LRIG1: variants seen among roughly 807,000 people sequenced by gnomAD.
LRIG1 encodes the protein leucine rich repeats and immunoglobulin like domains 1.
In LRIG1, 48 loss-of-function variants were observed where a neutral mutation model predicts 99.2. The ratio of observed to expected loss-of-function variants is 0.48; its 90% confidence interval spans 0.38 to 0.62. LRIG1 has a LOEUF of 0.62. LRIG1 is among the 20% of genes least tolerant of loss of function. The probability of loss-of-function intolerance (pLI) is 0.00; values close to 1 mark genes in which losing one functional copy is unlikely to be tolerated. For missense variants in LRIG1, 1,646 were observed against 1,434.4 expected, an observed-to-expected ratio of 1.15 and a Z score of -2.38; for synonymous variants, 772 against 596.1, an observed-to-expected ratio of 1.29 and a Z score of -4.30.
intron 3 of LRIG1, among the ~76,000 whole-genome samples, chr3:66,434,412 G>C (rs1312291739): frequency 6.6e-6 from 1 of 152,142 alleles, no homozygotes; most frequent in Admixed American, 6.5e-5. Context: ...ACCATAATGA[G>C]CTATCACTGC....
chr3:66,404,486 C>T (rs1005996685), intron 9 of LRIG1: 10 of 1,058,904 alleles, frequency 9.4e-6, no homozygotes, highest in African/African-American at 6.7e-5. Flanking sequence ...GAAAACAGGG[C>T]GGGCCAAGGG....
rs145981923 is a variant in LRIG1 at position 66,379,172 on chromosome 3, G to T, written c.*1091C>A. The T allele has an allele frequency of 6.6e-6, 1 of 152,626 alleles. No individual in the cohort carries two copies. 9.5% of individuals were successfully genotyped at this position (152,626 alleles called of 1,614,324 possible). A position where few individuals can be genotyped will look rare whatever the true frequency, so the allele number is the denominator to read the frequency against. ...ATGACACATTGGCACTCATAAGATG[G>T]TTAGCTACCAGTCTCAAAAGTGCAA... On this transcript the variant is annotated 3_prime_UTR_variant, in exon 19 of 19. Transcript: ENST00000273261.
chr3:66,436,488 G>A (rs1046174592), intron 3 of LRIG1, among the ~76,000 whole-genome samples: 3 of 152,164 alleles, frequency 2.0e-5, no homozygotes, highest in South Asian at 2.1e-4. Flanking sequence ...TCCTTTTCAT[G>A]AAACGACCAT....
chr3:66,499,816 T>C (rs548450443), intron 1 of LRIG1, among the ~76,000 whole-genome samples: 2 of 150,376 alleles, frequency 1.3e-5, no homozygotes, highest in South Asian at 4.2e-4. Flanking sequence ...TTCTTCACAC[T>C]CTTCTCCAGA....
intron 12 of LRIG1, among the ~76,000 whole-genome samples, chr3:66,391,116 A>C (rs1701599424): frequency 6.6e-6 from 1 of 152,192 alleles, no homozygotes; most frequent in African/African-American, 2.4e-5. Flanking sequence ...ATGAGACTCT[A>C]TTTTACACTC....
Position 66,487,187 on chromosome 3 carries a change from A to T in LRIG1, c.218+13003T>A, listed in dbSNP as rs559941043. ...TCAAATATTCTCTCTAAAAGTTCTG[A>T]CATATAAAATCAGACAAACCACAAG... On this transcript the variant is annotated intron_variant, in intron 1 of 18. Transcript: ENST00000273261. 7.0e-4 allele frequency among the ~76,000 whole-genome samples: 107 copies of T among 152,322 alleles called. No homozygotes were observed. The South Asian group carries it at 0.014, about 20-fold the overall frequency.
intron 1 of LRIG1, among the ~76,000 whole-genome samples, chr3:66,482,173 A>G (rs1457335326): frequency 6.6e-6 from 1 of 152,260 alleles, no homozygotes; most frequent in Non-Finnish European, 1.5e-5. Flanking sequence ...CCCCTCCGCA[A>G]CACGCGTCCA....
chr3:66,421,360 A>C (rs993520140), intron 3 of LRIG1, among the ~76,000 whole-genome samples: 3 of 152,234 alleles, frequency 2.0e-5, no homozygotes, highest in African/African-American at 7.2e-5. Context: ...AATCAAAAGC[A>C]AGCTAGTTAC....
At chr3:66,464,138 C>T (rs1700417643) in intron 1 of LRIG1, among the ~76,000 whole-genome samples, 1 of 152,066 alleles carries the variant, frequency 6.6e-6, no homozygotes, top group Non-Finnish European at 1.5e-5. Flanking sequence ...CTGAGATTTT[C>T]TTCTATTTTG....
At chr3:66,432,283 G>C (rs73833493) in intron 3 of LRIG1, among the ~76,000 whole-genome samples, 1 of 152,184 alleles carries the variant, frequency 6.6e-6, no homozygotes, top group Non-Finnish European at 1.5e-5. Flanking sequence ...CTTTGTAGCC[G>C]GAGTCTGGAA....
At chr3:66,458,812 T>A (rs1299852863) in intron 2 of LRIG1, among the ~76,000 whole-genome samples, 1 of 150,786 alleles carries the variant, frequency 6.6e-6, no homozygotes, top group East Asian at 1.9e-4. Flanking sequence ...ATGTCAGGAG[T>A]TCAAGATCAG....
intron 3 of LRIG1, among the ~76,000 whole-genome samples, chr3:66,440,261 T>C (rs1161796327): frequency 6.6e-6 from 1 of 152,140 alleles, no homozygotes; most frequent in Non-Finnish European, 1.5e-5. Flanking sequence ...GGTTTTGATT[T>C]AACTGCCCTG....
At chr3:66,383,965 C>CACACAA in intron 14 of LRIG1, 26 bp downstream of exon 14, 1 of 1,607,486 alleles carries the variant, frequency 6.2e-7, no homozygotes, top group Non-Finnish European at 8.5e-7. Context: ...CACACACACA[C>CACACAA]ACACACAGTA....
chr3:66,398,177 A>G lies in LRIG1; in HGVS notation c.1239T>C (p.Leu413=). The change falls in exon 11 of 19, where the codon CTT becomes CTC. Residue 413 remains leucine (L), a synonymous_variant. Coordinates refer to ENST00000273261, the MANE Select transcript of LRIG1 (RefSeq NM_015541.3). ...GGACAGATCTGATCGCATTCCCTCCAAGGTTCCTGAAACAGAACATACATT... is the reference window on the plus strand; with the variant it reads ...GGACAGATCTGATCGCATTCCCTCCGAGGTTCCTGAAACAGAACATACATT... The part of the protein sequence containing the change: ...SGLEGLEHLN[L]GGNAIRSVQF... 6.2e-7 allele frequency: 1 copy of G among 1,613,690 alleles called. No individual in the cohort carries two copies. Among genetic ancestry groups the G allele is most frequent in the Non-Finnish European group, 8.5e-7 (1 of 1,179,606 alleles).
intron 12 of LRIG1, chr3:66,386,574 A>G (rs1701386590): frequency 2.5e-6 from 1 of 398,380 alleles, no homozygotes; most frequent in South Asian, 3.4e-5. Context: ...CAAACCAGCC[A>G]GCCGGCAGTT....
At chr3:66,469,945 A>C (rs1049684688) in intron 1 of LRIG1, among the ~76,000 whole-genome samples, 3 of 151,488 alleles carry the variant, frequency 2.0e-5, no homozygotes, top group Non-Finnish European at 2.9e-5. Flanking sequence ...ACCAAATAAC[A>C]CAGCCAAAGG....
At chr3:66,485,557 C>CCAACAAAT (rs1700953239) in intron 1 of LRIG1, among the ~76,000 whole-genome samples, 1 of 152,132 alleles carries the variant, frequency 6.6e-6, no homozygotes, top group Admixed American at 6.5e-5. Flanking sequence ...GATCATAAAG[C>CCAACAAAT]CAACAAATAT....
At chr3:66,404,090 G>A (rs1296319904) in intron 9 of LRIG1, 2 of 401,896 alleles carry the variant, frequency 5.0e-6, no homozygotes, top group African/African-American at 4.2e-5. Flanking sequence ...ACATGCTGCT[G>A]GAGTACAGGA....
chr3:66,498,926 TC>T (rs1701288560), intron 1 of LRIG1, among the ~76,000 whole-genome samples: 1 of 152,248 alleles, frequency 6.6e-6, no homozygotes, highest in Admixed American at 6.5e-5. Context: ...GGCCACATTT[TC>T]TTCGATCAAG....
Sources: allele counts gnomAD v4.1 joint callset (sites outside exome capture counted in the v4.1 genomes callset), GRCh38; gene constraint gnomAD v4.1.1; transcripts MANE v1.5; gene names NCBI Gene and HGNC (gene_info 2026-07-23, HGNC 2026-07-21).